The following SGCZ variants were observed in gnomAD, a reference collection of about 807,000 sequenced individuals.
SGCZ encodes sarcoglycan zeta.
In SGCZ, 40 loss-of-function variants were observed where a neutral mutation model predicts 41.3. That is an observed-to-expected ratio of 0.97 (90% confidence interval 0.75 to 1.26). The LOEUF is 1.26. Ranked by LOEUF, SGCZ falls within the 50% of genes most tolerant of loss-of-function variation. The pLI is 0.00. For synonymous variants in SGCZ, 206 were observed against 137.5 expected, an observed-to-expected ratio of 1.50 and a Z score of -3.49; for missense variants, 552 against 369.8, an observed-to-expected ratio of 1.49 and a Z score of -4.04.
intron 2 of SGCZ, among the ~76,000 whole-genome samples, chr8:14,492,573 C>CT (rs989505408): frequency 1.3e-5 from 2 of 151,900 alleles, no homozygotes; most frequent in African/African-American, 2.4e-5. Context: ...AAAGTGAAAG[C>CT]TTTTTTTTCC....
intron 1 of SGCZ, among the ~76,000 whole-genome samples, chr8:15,083,746 T>TTTG (rs1360228689): frequency 1.3e-5 from 2 of 151,916 alleles, no homozygotes; most frequent in Non-Finnish European, 2.9e-5. Context: ...TTTTGGGTTT[T>TTTG]TTGTTGTTGT....
chr8:14,415,145 T>A (rs981873611), intron 2 of SGCZ, among the ~76,000 whole-genome samples: 1 of 151,912 alleles, frequency 6.6e-6, no homozygotes, highest in Admixed American at 6.6e-5. Flanking sequence ...ACCCCTTGAT[T>A]CATTGGGTCC....
chr8:14,859,360 C>G (rs999306048), intron 1 of SGCZ, among the ~76,000 whole-genome samples: 1 of 151,956 alleles, frequency 6.6e-6, no homozygotes, highest in Non-Finnish European at 1.5e-5. Context: ...GCAATTTAAT[C>G]TACCATAACT....
chr8:14,274,947 C>G (rs1469349448), intron 3 of SGCZ, among the ~76,000 whole-genome samples: 2 of 152,054 alleles, frequency 1.3e-5, no homozygotes, highest in Non-Finnish European at 2.9e-5. Context: ...CACTTCCTAT[C>G]TTAGGTTTGG....
intron 4 of SGCZ, among the ~76,000 whole-genome samples, chr8:14,189,715 C>A (rs1805029149): frequency 6.6e-6 from 1 of 152,186 alleles, no homozygotes; most frequent in South Asian, 2.1e-4. Context: ...ATATCTGAAA[C>A]AATCCCATTC....
chr8:14,562,737 A>T lies in SGCZ; in HGVS notation c.40-7811T>A, dbSNP rs554419881. On this transcript the variant is annotated intron_variant, in intron 1 of 7. Transcript: ENST00000382080. ...GAAAATCCAATAAATAGAATTGTAG[A>T]TGAGTGTCTGGGGGTCTTGTATTGC... 5.3e-5 allele frequency among the ~76,000 whole-genome samples: 8 copies of T among 152,334 alleles called. No homozygotes were observed. In the East Asian group the frequency reaches 1.4e-3, roughly 26 times the overall value.
At chr8:14,626,232 T>C (rs1449334280) in intron 1 of SGCZ, among the ~76,000 whole-genome samples, 1 of 152,064 alleles carries the variant, frequency 6.6e-6, no homozygotes, top group Non-Finnish European at 1.5e-5. Context: ...TCATGGTGGT[T>C]TGCAGCAGCT....
chr8:15,202,006 A>T (rs1800906842), intron 1 of SGCZ, among the ~76,000 whole-genome samples: 1 of 152,160 alleles, frequency 6.6e-6, no homozygotes, highest in Admixed American at 6.5e-5. Flanking sequence ...AGAATTAGGG[A>T]TGCTTTTTCA....
At chr8:14,300,730 A>T (rs1037882915) in intron 3 of SGCZ, among the ~76,000 whole-genome samples, 1 of 151,890 alleles carries the variant, frequency 6.6e-6, no homozygotes, top group African/African-American at 2.4e-5. Context: ...ATTAGTGATG[A>T]TCATTTTAAA....
intron 2 of SGCZ, among the ~76,000 whole-genome samples, chr8:14,346,002 T>C (rs1802879838): frequency 6.6e-6 from 1 of 152,094 alleles, no homozygotes; most frequent in Non-Finnish European, 1.5e-5. Flanking sequence ...ACTGCAGTGG[T>C]GGATACATGT....
chr8:14,490,113 G>A (rs10104172), intron 2 of SGCZ, among the ~76,000 whole-genome samples: 13 of 152,088 alleles, frequency 8.5e-5, no homozygotes, highest in African/African-American at 1.9e-4. Context: ...TGATCCACCC[G>A]CCTTGGCCTT....
At chr8:14,525,893 G>A (rs183332729) in intron 2 of SGCZ, among the ~76,000 whole-genome samples, 1 of 151,990 alleles carries the variant, frequency 6.6e-6, no homozygotes, top group African/African-American at 2.4e-5. Flanking sequence ...AAAATACGAT[G>A]CAGAGTATTT....
intron 1 of SGCZ, among the ~76,000 whole-genome samples, chr8:14,982,962 C>T (rs1188836305): frequency 6.6e-6 from 1 of 152,160 alleles, no homozygotes; most frequent in South Asian, 2.1e-4. Context: ...TAGTTGGAAT[C>T]CCAATTTAGC....
At chr8:15,190,258 G>A (rs1800487871) in intron 1 of SGCZ, among the ~76,000 whole-genome samples, 1 of 152,086 alleles carries the variant, frequency 6.6e-6, no homozygotes, top group Non-Finnish European at 1.5e-5. Context: ...ATATCAGAGT[G>A]CCATCATCTG....
chr8:14,909,214 G>A (rs1799208931), intron 1 of SGCZ, among the ~76,000 whole-genome samples: 1 of 152,132 alleles, frequency 6.6e-6, no homozygotes, highest in Non-Finnish European at 1.5e-5. Flanking sequence ...AATTAAAGGA[G>A]GCTTGTTACA....
At chr8:14,695,000 A>G (rs952179483) in intron 1 of SGCZ, among the ~76,000 whole-genome samples, 195 of 152,310 alleles carry the variant, frequency 1.3e-3, no homozygotes, top group African/African-American at 4.5e-3. Context: ...ATTTGCACGG[A>G]ATATGACAAG....
At chr8:14,152,837 A>T (rs1412115719) in intron 5 of SGCZ, among the ~76,000 whole-genome samples, 1 of 152,210 alleles carries the variant, frequency 6.6e-6, no homozygotes, top group African/African-American at 2.4e-5. Flanking sequence ...ATAGGTTACC[A>T]ATTAGAAATA....
rs200797839 is a variant in SGCZ, at chr8:14,763,934, G to C, written c.40-209008C>G. Among the ~76,000 whole-genome samples the C allele has an allele frequency of 3.3e-5, 5 of 152,290 alleles. No individual in the cohort carries two copies. The East Asian group carries it at 9.6e-4, about 29-fold the overall frequency. ...AAACGAGAAGGAACTGTGTGATGTT[G>C]GATTTGACTTGCGGTAATCAAGTAG... On this transcript the variant is annotated intron_variant, in intron 1 of 7. Coordinates refer to ENST00000382080, the MANE Select transcript of SGCZ (RefSeq NM_139167.4).
intron 1 of SGCZ, among the ~76,000 whole-genome samples, chr8:14,656,475 TCTC>T (rs1486069440): frequency 5.4e-5 from 8 of 149,330 alleles, no homozygotes; most frequent in Non-Finnish European, 1.0e-4. Flanking sequence ...CGTTTTTTCT[TCTC>T]TTTCTCCCTC....
Sources: allele counts gnomAD v4.1 joint callset (sites outside exome capture counted in the v4.1 genomes callset), GRCh38; gene constraint gnomAD v4.1.1; transcripts MANE v1.5; gene names NCBI Gene and HGNC (gene_info 2026-07-23, HGNC 2026-07-21).